MGLL: variants seen among roughly 807,000 people sequenced by gnomAD.
MGLL encodes monoglyceride lipase.
MGLL carries 7 observed loss-of-function variants against 29.1 expected under a neutral mutation model. The observed-to-expected ratio is 0.24, with a 90% confidence interval of 0.14 to 0.45. The LOEUF is 0.45. MGLL is among the 20% of genes least tolerant of loss of function. MGLL has a pLI of 0.99. For synonymous variants in MGLL, 148 were observed against 168.3 expected, an observed-to-expected ratio of 0.88 and a Z score of 0.93; for missense variants, 356 against 413.6, an observed-to-expected ratio of 0.86 and a Z score of 1.21.
chr3:127,712,605 T>A (rs1271249057), intron 5 of MGLL: 2 of 152,408 alleles, frequency 1.3e-5, no homozygotes, highest in East Asian at 3.9e-4. Flanking sequence ...GCAGATCTCA[T>A]TCTGCAGCCG....
At chr3:127,766,677 T>C (rs537576271) in intron 3 of MGLL, among the ~76,000 whole-genome samples, 17 of 152,348 alleles carry the variant, frequency 1.1e-4, no homozygotes, top group African/African-American at 3.8e-4. Context: ...AGTTGTGCCA[T>C]AATCAATGCA....
intron 2 of MGLL, among the ~76,000 whole-genome samples, chr3:127,820,322 C>T (rs2077836356): frequency 6.6e-6 from 1 of 152,112 alleles, no homozygotes; most frequent in African/African-American, 2.4e-5. Flanking sequence ...TGAAAACCAC[C>T]CGCAGGCGAA....
chr3:127,728,448 C>T (rs1324945593), intron 3 of MGLL, among the ~76,000 whole-genome samples: 1 of 152,142 alleles, frequency 6.6e-6, no homozygotes, highest in Non-Finnish European at 1.5e-5. Flanking sequence ...GCCACATATC[C>T]TACTCTAGAA....
At chr3:127,728,798 C>T (rs187231104) in intron 3 of MGLL, among the ~76,000 whole-genome samples, 2 of 152,256 alleles carry the variant, frequency 1.3e-5, no homozygotes, top group African/African-American at 2.4e-5. Flanking sequence ...TAGGTATTAC[C>T]AAATTCCCCT....
intron 7 of MGLL, among the ~76,000 whole-genome samples, chr3:127,693,420 G>T (rs1161325230): frequency 6.6e-6 from 1 of 152,344 alleles, no homozygotes; most frequent in Non-Finnish European, 1.5e-5. Context: ...ACCAAGAGAA[G>T]AAGTTTAGAC....
chr3:127,817,179 G>T (rs185440177), intron 2 of MGLL, among the ~76,000 whole-genome samples: 36 of 152,356 alleles, frequency 2.4e-4, no homozygotes, highest in Admixed American at 7.2e-4. Flanking sequence ...GTTCCAGAAG[G>T]TCTCCATAAA....
rs2076756711 is a variant in MGLL, at chr3:127,761,130, A to C, written c.262+20659T>G. On this transcript the variant is annotated intron_variant, in intron 3 of 7. Transcript: ENST00000265052. The surrounding 1 kb of genome is among the most constrained non-coding windows in gnomAD (Gnocchi z 4.6). Reference sequence around the variant, plus strand: ...CCTTCACTGAGCAGCTGCTATGAGCAAGGTGCCACACAGATGCGGAGAGCA... The same window carrying C: ...CCTTCACTGAGCAGCTGCTATGAGCCAGGTGCCACACAGATGCGGAGAGCA... 6.6e-6 allele frequency among the ~76,000 whole-genome samples: 1 copy of C among 152,256 alleles called. No individual in the cohort carries two copies. The highest frequency in any genetic ancestry group is 2.1e-4 in the South Asian group (1 of 4,836).
In MGLL at chr3:127,754,127, C is replaced by T. The variant is rs568798367; in HGVS notation, c.262+27662G>A. On this transcript the variant is annotated intron_variant, in intron 3 of 7. Coordinates refer to ENST00000265052, the MANE Select transcript of MGLL (RefSeq NM_007283.7). ...CTCTACGGAGGAGGCCACAGCCTCC[C>T]GCTCACCCAGGCCCTGGCCTCACTC... Among the ~76,000 whole-genome samples the T allele has an allele frequency of 5.9e-5, 9 of 152,308 alleles. No individual in the cohort carries two copies. The South Asian group carries it at 6.2e-4, about 11-fold the overall frequency.
chr3:127,704,985 T>TG (rs1187495011), intron 6 of MGLL, among the ~76,000 whole-genome samples: 2 of 152,152 alleles, frequency 1.3e-5, no homozygotes, highest in East Asian at 3.8e-4. Context: ...TACCCATCAA[T>TG]GATAGACTGG....
chr3:127,794,349 G>A (rs180949998), intron 2 of MGLL, among the ~76,000 whole-genome samples: 1 of 151,844 alleles, frequency 6.6e-6, no homozygotes, highest in Admixed American at 6.6e-5. Context: ...GGAGGCTGAG[G>A]CAGGAGAAAA....
intron 3 of MGLL, among the ~76,000 whole-genome samples, chr3:127,770,659 G>A (rs1268840420): frequency 6.6e-6 from 1 of 152,194 alleles, no homozygotes; most frequent in Non-Finnish European, 1.5e-5. Flanking sequence ...AATGAACAGT[G>A]AATATCTAAG....
At chr3:127,767,094 A>C (rs9682719) in intron 3 of MGLL, among the ~76,000 whole-genome samples, 4 of 152,042 alleles carry the variant, frequency 2.6e-5, no homozygotes, top group African/African-American at 9.6e-5. Context: ...AAAAAACAAA[A>C]AAAACCCCAA....
At chr3:127,764,446 GAGA>G (rs1559954542) in intron 3 of MGLL, among the ~76,000 whole-genome samples, 1 of 152,182 alleles carries the variant, frequency 6.6e-6, no homozygotes, top group Non-Finnish European at 1.5e-5. Flanking sequence ...CAGAATAAAA[GAGA>G]AGAAGGACGG....
chr3:127,766,692 C>A (rs555823966), intron 3 of MGLL, among the ~76,000 whole-genome samples: 2 of 152,326 alleles, frequency 1.3e-5, no homozygotes, highest in South Asian at 2.1e-4. Flanking sequence ...AATGCAAAAC[C>A]ACATGACATA....
intron 2 of MGLL, chr3:127,791,259 G>A (rs1282788681): frequency 6.6e-6 from 1 of 152,200 alleles, no homozygotes; most frequent in East Asian, 1.9e-4. Flanking sequence ...GAGCCTGAAA[G>A]CTCCTCCCGC....
At chr3:127,725,661 A>C (rs1440181420) in intron 3 of MGLL, among the ~76,000 whole-genome samples, 1 of 152,216 alleles carries the variant, frequency 6.6e-6, no homozygotes, top group African/African-American at 2.4e-5. Context: ...AAAACACTGA[A>C]AAAAACATTC....
chr3:127,689,357 C>T lies in MGLL; in HGVS notation c.*2841G>A, dbSNP rs2075204948. The T allele has an allele frequency of 6.6e-6, 1 of 152,276 alleles. No homozygotes were observed. The highest frequency in any genetic ancestry group is 2.4e-5 in the African/African-American group (1 of 41,462). The allele number at this position is 152,276 out of a possible 1,614,324, so 9.4% of individuals were successfully genotyped here. A position where few individuals can be genotyped will look rare whatever the true frequency, so the allele number is the denominator to read the frequency against. On this transcript the variant is annotated 3_prime_UTR_variant, in exon 8 of 8. Transcript: ENST00000265052. ...GCTCCCTCGGTGAGCCCAGCACCAC[C>T]TGGAAGTGGAGGGAAGCTGGGTCGC...
rs1284646263 is a variant in MGLL at position 127,781,825 on chromosome 3, T to A, written c.226A>T (p.Met76Leu). ...GRYEELARML[M>L]GLDLLVFAHD... The stretch of plus-strand genomic sequence containing the variant: ...GCGAACACCAGCAGGTCCAGCCCCA[T>A]CAGCATCCGAGCCAGCTCTTCATAG... Residue 76 changes from methionine (M) to leucine (L), a missense_variant, in exon 3 of 8, where the codon ATG (methionine) becomes TTG (leucine). Met to Leu is a conservative substitution (Grantham distance 15). Coordinates refer to ENST00000265052, the MANE Select transcript of MGLL (RefSeq NM_007283.7). The A allele has an allele frequency of 1.9e-6, 3 of 1,614,068 alleles. No homozygotes were observed. Among genetic ancestry groups the A allele is most frequent in the South Asian group, 2.2e-5 (2 of 91,076 alleles).
At chr3:127,747,240 C>T (rs985136209) in intron 3 of MGLL, among the ~76,000 whole-genome samples, 1 of 152,172 alleles carries the variant, frequency 6.6e-6, no homozygotes. Context: ...GCAGCAACCA[C>T]TCACCCATCC....
Sources: allele counts gnomAD v4.1 joint callset (sites outside exome capture counted in the v4.1 genomes callset), GRCh38; gene constraint gnomAD v4.1.1; non-coding constraint Gnocchi (gnomAD v3.1); transcripts MANE v1.5; gene names NCBI Gene and HGNC (gene_info 2026-07-23, HGNC 2026-07-21).